The following RTEL1 variants were observed in gnomAD, a reference collection of about 807,000 sequenced individuals.
The protein encoded by RTEL1 is regulator of telomere length.
RTEL1 carries 86 observed loss-of-function variants against 162.2 expected under a neutral mutation model. The ratio of observed to expected loss-of-function variants is 0.53; its 90% CI spans 0.45 to 0.63. The LOEUF is 0.63. Among genes scored for constraint, RTEL1 ranks in the 30% least tolerant of loss-of-function variants. The probability of loss-of-function intolerance (pLI) is 0.00; values close to 1 mark genes in which losing one functional copy is unlikely to be tolerated. For missense variants in RTEL1, 1,941 were observed against 1,750.2 expected, an observed-to-expected ratio of 1.11 and a Z score of -1.95; for synonymous variants, 958 against 717.9, an observed-to-expected ratio of 1.33 and a Z score of -5.35.
Position 63,691,755 on chromosome 20 carries a change from C to G in RTEL1, c.2570C>G (p.Ser857Cys), listed in dbSNP as rs2090750813. The G allele has an allele frequency of 1.2e-6, 2 of 1,612,406 alleles. No homozygotes were observed. The highest frequency in any genetic ancestry group is 1.7e-6 in the Non-Finnish European group (2 of 1,179,770). ...TGTCCTCCTCAGGCCCACAGCTGCT[C>G]CACCCTGTCCCTCCTGTCTGAGAAG... The part of the protein sequence containing the change: ...SPGEEQAHSC[S>C]TLSLLSEKRP... Residue 857 changes from serine (S) to cysteine (C), a missense_variant, in exon 28 of 35, where the codon TCC (serine) becomes TGC (cysteine). Transcript: ENST00000360203.
In RTEL1 at chr20:63,685,534, T is replaced by G; in HGVS notation, c.1203T>G (p.Ser401Arg). Reference protein sequence around the residue: ...KLADIIQIVFSVDPSEGSPGS... With the variant: ...KLADIIQIVFRVDPSEGSPGS... ...CCTCTGCCTTTCAGATTGTGTTCAGTGTGGACCCCTCCGAGGGCAGCCCTG... is the reference window on the plus strand; with the variant it reads ...CCTCTGCCTTTCAGATTGTGTTCAGGGTGGACCCCTCCGAGGGCAGCCCTG... Residue 401 changes from serine (S) to arginine (R), a missense_variant, in exon 15 of 35, where the codon AGT becomes AGG. Coordinates refer to ENST00000360203, the MANE Select transcript of RTEL1 (RefSeq NM_001283009.2). The G allele has an allele frequency of 6.2e-7, 1 of 1,612,582 alleles. No homozygotes were observed. Among genetic ancestry groups the G allele is most frequent in the Non-Finnish European group, 8.5e-7 (1 of 1,179,896 alleles).
At position 63,661,996 on chromosome 20, in the gene RTEL1, G is replaced by T; in HGVS notation, c.395+53G>T. 7.3e-7 allele frequency: 1 copy of T among 1,362,064 alleles called. No homozygotes were observed. The highest frequency in any genetic ancestry group is 1.1e-6 in the Non-Finnish European group (1 of 951,590). The allele number at this position is 1,362,064 out of a possible 1,614,324, so 84.4% of individuals were successfully genotyped here. A position where few individuals can be genotyped will look rare whatever the true frequency, so the allele number is the denominator to read the frequency against. Reference sequence around the variant, plus strand: ...CGGGGTCCTCAAGAGAACCAGCTTGGCATGGTGCTGAGTCCACAGCCCCAT... The same window carrying T: ...CGGGGTCCTCAAGAGAACCAGCTTGTCATGGTGCTGAGTCCACAGCCCCAT... On this transcript the variant is annotated intron_variant, in intron 4 of 34. Transcript: ENST00000360203. The surrounding 1 kb of genome is among the most constrained non-coding windows in gnomAD (Gnocchi z 5.1).
chr20:63,695,705 AG>A, intron 34 of RTEL1, 55 bp downstream of exon 34: 1 of 1,606,526 alleles, frequency 6.2e-7, no homozygotes, highest in Non-Finnish European at 8.5e-7. Flanking sequence ...TGATGGGCTG[AG>A]GGGGAAAGGG....
chr20:63,661,252 G>T lies in RTEL1; in HGVS notation c.103-46G>T. On this transcript the variant is annotated intron_variant, in intron 2 of 34. Transcript: ENST00000360203. The surrounding 1 kb of genome is among the most constrained non-coding windows in gnomAD (Gnocchi z 5.1). ...GTCTCAGGGCAGCTTGTGTGGCCTC[G>T]CCTCTTCCTGGCTTCCCCGTAACCC... 2 of 1,573,220 alleles carry T rather than the reference G, an allele frequency of 1.3e-6. No individual in the cohort carries two copies. Among genetic ancestry groups the T allele is most frequent in the Non-Finnish European group, 1.7e-6 (2 of 1,149,526 alleles).
intron 9 of RTEL1, among the ~76,000 whole-genome samples, chr20:63,673,245 T>C (rs1184032013): frequency 6.6e-6 from 1 of 150,556 alleles, no homozygotes; most frequent in Non-Finnish European, 1.5e-5. Context: ...TACAAAAAAA[T>C]TAGCTGGGCG....
Position 63,695,979 on chromosome 20 carries a change from C to CAG in RTEL1, c.*122_*123dup. 1 of 979,446 alleles carries CAG rather than the reference C, an allele frequency of 1.0e-6. No homozygotes were observed. Among genetic ancestry groups the CAG allele is most frequent in the Non-Finnish European group, 1.5e-6 (1 of 669,298 alleles). 60.7% of individuals were successfully genotyped at this position (979,446 alleles called of 1,614,324 possible). On this transcript the variant is annotated 3_prime_UTR_variant, in exon 35 of 35. Transcript: ENST00000360203. The stretch of plus-strand genomic sequence containing the variant: ...CCATGCCAGCCGGCTTGGCCCGCTG[C>CAG]AGGCCTCAGGCAGGCGGGGCCCATG...
rs541054555 is a variant in RTEL1 at position 63,668,610 on chromosome 20, G to C, written c.699+1057G>C. Among the ~76,000 whole-genome samples, 1 of 152,222 alleles carries C rather than the reference G, an allele frequency of 6.6e-6. No homozygotes were observed. The highest frequency in any genetic ancestry group is 1.5e-5 in the Non-Finnish European group (1 of 68,014). Reference sequence around the variant, plus strand: ...AGCAAGGGAAGAGGTGAGTGGGGGCGGCTGGGGGGCCGACTCCTGGGAAGC... The same window carrying C: ...AGCAAGGGAAGAGGTGAGTGGGGGCCGCTGGGGGGCCGACTCCTGGGAAGC... On this transcript the variant is annotated intron_variant, in intron 8 of 34. Transcript: ENST00000360203. This position sits in a 1 kb window ranked among gnomAD's most constrained non-coding sequence, Gnocchi z 4.3.
intron 30 of RTEL1, 144 bp downstream of exon 30, chr20:63,693,427 C>T (rs1239339903): frequency 1.3e-5 from 12 of 920,976 alleles, no homozygotes; most frequent in Middle Eastern, 3.4e-4. Flanking sequence ...GGGGCCTCCA[C>T]CTCCACCACC....
At chr20:63,674,939 CT>C in intron 10 of RTEL1, among the ~76,000 whole-genome samples, 1 of 150,654 alleles carries the variant, frequency 6.6e-6, no homozygotes, top group African/African-American at 2.4e-5. Context: ...TGGAGTTTCA[CT>C]TTTGTTGCCC....
chr20:63,685,826 G>A lies in RTEL1; in HGVS notation c.1302G>A (p.Thr434=), dbSNP rs200709485. The change falls in exon 16 of 35, where the codon ACG becomes ACA. Residue 434 remains threonine, a synonymous_variant. Transcript: ENST00000360203. Reference sequence around the variant, plus strand: ...ATCCTGATGCTGGTCACCGGAGGACGGCTCAGCGGTCTGATGCCTGGAGCA... The same window carrying A: ...ATCCTGATGCTGGTCACCGGAGGACAGCTCAGCGGTCTGATGCCTGGAGCA... ...HIHPDAGHRR[T]AQRSDAWSTT... The A allele has an allele frequency of 2.7e-5, 44 of 1,612,646 alleles. No homozygotes were observed. The highest frequency in any genetic ancestry group is 2.2e-4 in the South Asian group (20 of 91,030).
At chr20:63,659,581 G>A in intron 2 of RTEL1, 77 bp downstream of exon 2, 2 of 1,099,304 alleles carry the variant, frequency 1.8e-6, no homozygotes, top group Non-Finnish European at 1.4e-6. Flanking sequence ...CCCTCTCCCG[G>A]CCCATTCCAG....
At chr20:63,666,819 C>T (rs2090138143) in intron 7 of RTEL1, among the ~76,000 whole-genome samples, 1 of 150,700 alleles carries the variant, frequency 6.6e-6, no homozygotes, top group African/African-American at 2.4e-5. Context: ...CGTGAGACCC[C>T]ATGCCTGGCC....
chr20:63,694,432 C>G lies in RTEL1; in HGVS notation c.3053C>G (p.Pro1018Arg). The change falls in exon 31 of 35, where the codon CCC becomes CGC. Residue 1018 changes from proline (P) to arginine (R), a missense_variant. Coordinates refer to ENST00000360203, the MANE Select transcript of RTEL1 (RefSeq NM_001283009.2). ...VSTAAAQQLD[P>R]QEHLNQGRPH... is the part of the protein sequence containing the mutation. ...ACGGCTGCAGCCCAGCAGCTGGACC[C>G]CCAAGAGCACCTGAACCAGGGCAGG... is the stretch of plus-strand genomic sequence containing the variant. 11 of 1,612,338 alleles carry G rather than the reference C, an allele frequency of 6.8e-6. No individual in the cohort carries two copies. The highest frequency in any genetic ancestry group is 9.3e-6 in the Non-Finnish European group (11 of 1,179,612).
At position 63,681,765 on chromosome 20, in the gene RTEL1, CTG is replaced by C. The variant is rs534230825; in HGVS notation, c.1191+1049_1191+1050del. 16 of 985,368 alleles carry C rather than the reference CTG, an allele frequency of 1.6e-5. No individual in the cohort carries two copies. The South Asian group carries it at 5.2e-4, about 32-fold the overall frequency. The allele number at this position is 985,368 out of a possible 1,614,324, so 61.0% of individuals were successfully genotyped here. On this transcript the variant is annotated intron_variant, in intron 14 of 34. Coordinates refer to ENST00000360203, the MANE Select transcript of RTEL1 (RefSeq NM_001283009.2). ...AGCCCTCCCTCCACTGTGGCCGTCT[CTG>C]TGGCCAGTGACGCCACAGCCTGTGT...
chr20:63,688,320 G>T lies in RTEL1; in HGVS notation c.1656G>T (p.Val552=), dbSNP rs2090642879. 6.2e-7 allele frequency: 1 copy of T among 1,612,526 alleles called. No homozygotes were observed. The highest frequency in any genetic ancestry group is 8.5e-7 in the Non-Finnish European group (1 of 1,179,954). The change falls in exon 20 of 35, where the codon GTG becomes GTT. Residue 552 remains valine, a synonymous_variant. Coordinates refer to ENST00000360203, the MANE Select transcript of RTEL1 (RefSeq NM_001283009.2). ...TTCCAGGCAACATCGCCCGCGTGGT[G>T]CCCTATGGGCTCCTGATCTTCTTCC... ...GKALGNIARV[V]PYGLLIFFPS...
Position 63,693,439 on chromosome 20 carries a change from G to C in RTEL1, c.2992+156G>C, listed in dbSNP as rs777048404. ...ATGGGGGCCTCCACCTCCACCACCA[G>C]CACCAGCAGCACCACCTCCACCTCC... On this transcript the variant is annotated intron_variant, in intron 30 of 34. Transcript: ENST00000360203. Among the ~76,000 whole-genome samples the C allele has an allele frequency of 3.8e-3, 351 of 93,138 alleles. 4 individuals are homozygous for C. Among genetic ancestry groups the C allele is most frequent in the Middle Eastern group, 0.014 (2 of 142 alleles). The allele number at this position is 93,138 out of a possible 152,430, so 61.1% of individuals were successfully genotyped here. A position where few individuals can be genotyped will look rare whatever the true frequency, so the allele number is the denominator to read the frequency against.
At chr20:63,681,552 C>G in intron 14 of RTEL1, 1 of 985,204 alleles carries the variant, frequency 1.0e-6, no homozygotes, top group Non-Finnish European at 1.2e-6. Flanking sequence ...CTGTGGGGTG[C>G]TTGAGCTGGG....
At chr20:63,657,931 A>C (rs1206671810), upstream of RTEL1, 1 of 152,410 alleles carries the variant, frequency 6.6e-6, no homozygotes, top group East Asian at 1.9e-4. Flanking sequence ...GGGGGCGGTC[A>C]GGGCTCTCAG....
chr20:63,691,849 G>A lies in RTEL1; in HGVS notation c.2652+12G>A. The stretch of plus-strand genomic sequence containing the variant: ...TGGTCAGCCACCCGGTGCGTGAGCT[G>A]TCCCTGCACCTGTGCCGACCACCAT... On this transcript the variant is annotated intron_variant, in intron 28 of 34. Transcript: ENST00000360203. 1 of 1,604,860 alleles carries A rather than the reference G, an allele frequency of 6.2e-7. No homozygotes were observed. The highest frequency in any genetic ancestry group is 8.5e-7 in the Non-Finnish European group (1 of 1,176,904).
Sources: gnomAD v4.1 joint callset for allele counts (sites outside exome capture counted in the v4.1 genomes callset) on GRCh38, gnomAD v4.1.1 for gene constraint, Gnocchi (gnomAD v3.1) non-coding constraint, MANE v1.5 for transcripts, NCBI Gene and HGNC (gene_info 2026-07-23, HGNC 2026-07-21) for gene names.